The following LDLRAD4 variants were observed in gnomAD, a reference collection of about 807,000 sequenced individuals.
LDLRAD4 encodes the protein low-density lipoprotein receptor class A domain-containing protein 4.
A neutral mutation model predicts 17.0 loss-of-function variants in LDLRAD4; 5 were observed. The ratio of observed to expected loss-of-function variants is 0.29; its 90% CI spans 0.15 to 0.62. The LOEUF is 0.62. Ranked by LOEUF, LDLRAD4 falls within the 20% of genes least tolerant of loss-of-function variation. The pLI is 0.84. For missense variants in LDLRAD4, 340 were observed against 424.7 expected (o/e 0.80, Z 1.75); for synonymous variants, 168 against 171.8 (o/e 0.98, Z 0.17).
At chr18:13,523,529 G>A (rs2093984724) in intron 3 of LDLRAD4, among the ~76,000 whole-genome samples, 1 of 152,192 alleles carries the variant, frequency 6.6e-6, no homozygotes, top group African/African-American at 2.4e-5. Flanking sequence ...CCTCAGGAGA[G>A]CCTGACCCAG....
At chr18:13,525,348 G>T (rs910824237) in intron 3 of LDLRAD4, among the ~76,000 whole-genome samples, 1 of 152,136 alleles carries the variant, frequency 6.6e-6, no homozygotes. Context: ...TCATCCCCAC[G>T]CCCTGAGTCC....
At position 13,398,390 on chromosome 18, in the gene LDLRAD4, T is replaced by TG. The variant is rs1023140445; in HGVS notation, c.40+10631dup. Among the ~76,000 whole-genome samples the TG allele has an allele frequency of 6.9e-6, 1 of 145,978 alleles. No homozygotes were observed. The highest frequency in any genetic ancestry group is 2.6e-5 in the African/African-American group (1 of 39,056). ...CAGTGTGAGAGTGCAAACCTGAAAA[T>TG]GGGAAAAAATGGGGCATTTTATGTT... is the stretch of plus-strand genomic sequence containing the variant. On this transcript the variant is annotated intron_variant, in intron 2 of 5. Transcript: ENST00000359446. This position sits in a 1 kb window ranked among gnomAD's most constrained non-coding sequence, Gnocchi z 4.8.
intron 1 of LDLRAD4, among the ~76,000 whole-genome samples, chr18:13,271,241 A>G (rs753367605): frequency 6.6e-5 from 10 of 152,228 alleles, no homozygotes; most frequent in Non-Finnish European, 1.3e-4. Flanking sequence ...ATGAGACTCT[A>G]ATGAGGGTTA....
intron 3 of LDLRAD4, among the ~76,000 whole-genome samples, chr18:13,502,177 C>G (rs1021857855): frequency 3.3e-5 from 5 of 152,238 alleles, no homozygotes; most frequent in African/African-American, 1.2e-4. Flanking sequence ...CCTGTGTTTT[C>G]TTTAGCTCCT....
rs535475247 is a variant in LDLRAD4, at chr18:13,290,163, G to C, written c.-383+11975G>C. Among the ~76,000 whole-genome samples the C allele has an allele frequency of 1.3e-4, 20 of 152,340 alleles. 1 individual carries two copies. The highest frequency in any genetic ancestry group is 3.4e-3 in the Middle Eastern group (1 of 294). On this transcript the variant is annotated intron_variant, in intron 1 of 5. Transcript: ENST00000359446. ...GATGGGGCACCCATTCTTCCCCCTG[G>C]TTATTGTCAAACTAGATGATTCTGT...
chr18:13,246,719 G>A (rs2042974187), intron 1 of LDLRAD4, among the ~76,000 whole-genome samples: 1 of 152,194 alleles, frequency 6.6e-6, no homozygotes, highest in Non-Finnish European at 1.5e-5. Context: ...ACTGTGGAGT[G>A]CGCCATGTCA....
chr18:13,630,545 G>A lies in LDLRAD4; in HGVS notation c.336+9274G>A, dbSNP rs8089156. Among the ~76,000 whole-genome samples the A allele has an allele frequency of 5.3e-3, 814 of 152,268 alleles. 7 individuals are homozygous for A. The highest frequency in any genetic ancestry group is 0.019 in the African/African-American group (786 of 41,560). ...AAAAATAGATTTCCAACTATTTGAG[G>A]CCATAAAATACATTCATTCACTGGG... is the stretch of plus-strand genomic sequence containing the variant. On this transcript the variant is annotated intron_variant, in intron 4 of 5. Transcript: ENST00000359446.
chr18:13,258,549 G>C (rs1397074161), intron 1 of LDLRAD4, among the ~76,000 whole-genome samples: 1 of 152,170 alleles, frequency 6.6e-6, no homozygotes, highest in African/African-American at 2.4e-5. Flanking sequence ...AATGTTTAGA[G>C]ATGACAAGAG....
intron 3 of LDLRAD4, among the ~76,000 whole-genome samples, chr18:13,619,547 G>A (rs926880048): frequency 2.0e-5 from 3 of 150,114 alleles, no homozygotes; most frequent in Admixed American, 2.0e-4. Flanking sequence ...ATATAAGTGT[G>A]GCAGCTCCAA....
At chr18:13,448,096 A>T (rs1409235757) in intron 3 of LDLRAD4, among the ~76,000 whole-genome samples, 1 of 152,224 alleles carries the variant, frequency 6.6e-6, no homozygotes, top group Non-Finnish European at 1.5e-5. Flanking sequence ...GTGAAAGGAC[A>T]GTTGTAGGAT....
Position 13,499,865 on chromosome 18 carries a change from C to T in LDLRAD4, c.181+61481C>T, listed in dbSNP as rs369370214. Among the ~76,000 whole-genome samples the T allele has an allele frequency of 1.5e-4, 23 of 152,358 alleles. No individual in the cohort carries two copies. The South Asian group carries it at 2.7e-3, about 18-fold the overall frequency. On this transcript the variant is annotated intron_variant, in intron 3 of 5. Coordinates refer to ENST00000359446, the Ensembl canonical transcript of LDLRAD4. ...TGTGAAAACCTCCACGCTCCCTTTC[C>T]GTTTTTGCTCTCAGCTGTCCTTCCA...
At chr18:13,446,794 CAT>C (rs542265715) in intron 3 of LDLRAD4, among the ~76,000 whole-genome samples, 55 of 152,394 alleles carry the variant, frequency 3.6e-4, no homozygotes, top group Admixed American at 3.4e-3. Flanking sequence ...GCCTCAGCCA[CAT>C]GTGGGCTTTT....
chr18:13,546,238 G>A (rs377103552), intron 3 of LDLRAD4, among the ~76,000 whole-genome samples: 1 of 152,160 alleles, frequency 6.6e-6, no homozygotes, highest in Admixed American at 6.5e-5. Context: ...CAAGGGGTAA[G>A]GGAGGGGAGT....
intron 1 of LDLRAD4, among the ~76,000 whole-genome samples, chr18:13,330,457 T>G (rs964948923): frequency 3.9e-5 from 6 of 152,190 alleles, no homozygotes; most frequent in Non-Finnish European, 7.4e-5. Context: ...CTTCAAGTCT[T>G]CTTTTGTGTC....
intron 3 of LDLRAD4, among the ~76,000 whole-genome samples, chr18:13,458,554 A>G (rs1220517498): frequency 3.9e-5 from 6 of 152,222 alleles, no homozygotes; most frequent in East Asian, 1.9e-4. Flanking sequence ...GTCTAATTGC[A>G]TGAAAGATGT....
At chr18:13,236,807 T>C (rs9303782) in intron 1 of LDLRAD4, among the ~76,000 whole-genome samples, 134,442 of 152,100 alleles carry the variant, frequency 0.88, 59,552 homozygotes, top group East Asian at 0.95. Context: ...CTTTTGCAGA[T>C]GTGTTGACAT....
At chr18:13,260,400 G>A (rs1269933327) in intron 1 of LDLRAD4, among the ~76,000 whole-genome samples, 2 of 152,326 alleles carry the variant, frequency 1.3e-5, no homozygotes, top group African/African-American at 2.4e-5. Flanking sequence ...ATCTGGCTGC[G>A]GAAGATTTTC....
chr18:13,324,989 G>A (rs1568008844), intron 1 of LDLRAD4, among the ~76,000 whole-genome samples: 1 of 152,122 alleles, frequency 6.6e-6, no homozygotes, highest in African/African-American at 2.4e-5. Context: ...CATTTTACAC[G>A]GGATAAAGTA....
exon 6 of LDLRAD4, chr18:13,651,270 G>A (rs185333809): frequency 6.6e-6 from 1 of 152,368 alleles, no homozygotes; most frequent in Admixed American, 6.5e-5. Flanking sequence ...CTGTGTCCAA[G>A]TCTCTCTGTG....
Sources: gnomAD v4.1 joint callset for allele counts (sites outside exome capture counted in the v4.1 genomes callset) on GRCh38, gnomAD v4.1.1 for gene constraint, Gnocchi (gnomAD v3.1) non-coding constraint, MANE v1.5 for transcripts, NCBI Gene and HGNC (gene_info 2026-07-23, HGNC 2026-07-21) for gene names.